The following ULK4 variants were observed in gnomAD, a reference collection of about 807,000 sequenced individuals.
ULK4 encodes unc-51 like kinase 4.
A neutral mutation model predicts 160.6 loss-of-function variants in ULK4; 133 were observed. That is an observed-to-expected ratio of 0.83 (90% CI 0.72 to 0.96). The LOEUF is 0.96. Ranked by LOEUF, ULK4 falls within the 40% of genes least tolerant of loss-of-function variation. The pLI, the probability that ULK4 is intolerant of heterozygous loss-of-function variation, is 0.00. For synonymous variants in ULK4, 534 were observed against 539.8 expected (o/e 0.99, Z 0.15); for missense variants, 1,580 against 1,499.5 (o/e 1.05, Z -0.89).
At chr3:41,831,517 T>TTATATATATATATATATA (rs201753249) in intron 18 of ULK4, among the ~76,000 whole-genome samples, 2 of 132,646 alleles carry the variant, frequency 1.5e-5, no homozygotes, top group African/African-American at 3.3e-5. Flanking sequence ...TATTGTTATT[T>TTATATATATATATATATA]TATATATATA....
Position 41,593,939 on chromosome 3 carries a change from G to C in ULK4, c.3120+21730C>G, listed in dbSNP as rs762864607. Among the ~76,000 whole-genome samples, 5 of 152,070 alleles carry C rather than the reference G, an allele frequency of 3.3e-5. 1 individual carries two copies. The highest frequency in any genetic ancestry group is 1.2e-4 in the African/African-American group (5 of 41,394). On this transcript the variant is annotated intron_variant, in intron 31 of 36. Coordinates refer to ENST00000301831, the MANE Select transcript of ULK4 (RefSeq NM_017886.4). The stretch of plus-strand genomic sequence containing the variant: ...TCCCAGCTACCGGGGTTGGGGGAAG[G>C]GGGGCTGAGGTGGGAAGATGGATTG...
At chr3:41,551,617 CAAT>C (rs1052002966) in intron 32 of ULK4, among the ~76,000 whole-genome samples, 9 of 151,854 alleles carry the variant, frequency 5.9e-5, no homozygotes, top group Non-Finnish European at 1.2e-4. Context: ...GAGATTGAAT[CAAT>C]AATAATAATA....
rs201424516 is a variant in ULK4, at chr3:41,961,550, ACCCCC to A, written c.-49+461_-49+465del. On this transcript the variant is annotated intron_variant, in intron 1 of 36. Transcript: ENST00000301831. Reference sequence around the variant, plus strand: ...ACTCAGGGGCGCTACGTAGTCACTCACCCCCCCCCCCCCCCCCCCCGCTCCCCAGG... The same window carrying A: ...ACTCAGGGGCGCTACGTAGTCACTCACCCCCCCCCCCCCCCGCTCCCCAGG... Among the ~76,000 whole-genome samples, 25 of 124,720 alleles carry A rather than the reference ACCCCC, an allele frequency of 2.0e-4. 1 individual carries two copies. The highest frequency in any genetic ancestry group is 9.8e-4 in the African/African-American group (23 of 23,492). The allele number at this position is 124,720 out of a possible 152,430, so 81.8% of individuals were successfully genotyped here.
intron 16 of ULK4, among the ~76,000 whole-genome samples, chr3:41,888,997 T>C (rs1697823805): frequency 6.6e-6 from 1 of 152,172 alleles, no homozygotes; most frequent in Admixed American, 6.5e-5. Flanking sequence ...CCAACTTCTA[T>C]ACCAATCAAT....
At chr3:41,335,244 C>G (rs2080530847) in intron 35 of ULK4, among the ~76,000 whole-genome samples, 1 of 152,178 alleles carries the variant, frequency 6.6e-6, no homozygotes, top group African/African-American at 2.4e-5. Flanking sequence ...AAATTAGGCA[C>G]TGAGCACAGG....
At chr3:41,432,739 AC>A (rs2082941665) in intron 34 of ULK4, among the ~76,000 whole-genome samples, 1 of 152,234 alleles carries the variant, frequency 6.6e-6, no homozygotes, top group Non-Finnish European at 1.5e-5. Context: ...TTCATAAGAT[AC>A]ACAGGTGCCA....
chr3:41,821,684 G>A (rs755542785), intron 18 of ULK4, among the ~76,000 whole-genome samples: 5 of 151,930 alleles, frequency 3.3e-5, no homozygotes, highest in Admixed American at 1.3e-4. Flanking sequence ...ATAGGGTCAC[G>A]GTATCTCATT....
intron 19 of ULK4, among the ~76,000 whole-genome samples, chr3:41,803,089 A>G (rs2040515697): frequency 6.6e-6 from 1 of 151,474 alleles, no homozygotes; most frequent in Non-Finnish European, 1.5e-5. Context: ...TGCTTGAACC[A>G]GGACCCAGGA....
chr3:41,519,244 G>C (rs2085848236), intron 32 of ULK4, among the ~76,000 whole-genome samples: 1 of 152,102 alleles, frequency 6.6e-6, no homozygotes, highest in Non-Finnish European at 1.5e-5. Flanking sequence ...CTGCCTTTTG[G>C]AGCTTGTCAC....
intron 17 of ULK4, among the ~76,000 whole-genome samples, chr3:41,879,510 A>T (rs1052505831): frequency 6.6e-5 from 10 of 151,876 alleles, no homozygotes; most frequent in Non-Finnish European, 1.2e-4. Context: ...AAAAAAAAAA[A>T]TTTGAGACAG....
At chr3:41,771,188 T>C (rs1382625248) in intron 21 of ULK4, among the ~76,000 whole-genome samples, 1 of 152,200 alleles carries the variant, frequency 6.6e-6, no homozygotes, top group Non-Finnish European at 1.5e-5. Context: ...AATTATAAAA[T>C]ACCACATAAT....
intron 17 of ULK4, among the ~76,000 whole-genome samples, chr3:41,858,909 G>A (rs1411397587): frequency 6.6e-6 from 1 of 152,100 alleles, no homozygotes; most frequent in East Asian, 1.9e-4. Context: ...TAATTCTGTT[G>A]AGACAGCTCT....
chr3:41,829,412 A>G (rs145796622), intron 18 of ULK4, among the ~76,000 whole-genome samples: 28,958 of 136,574 alleles, frequency 0.21, 4,761 homozygotes, highest in African/African-American at 0.43. Flanking sequence ...CAAAGGGCTA[A>G]TATCCAGAAT....
intron 4 of ULK4, among the ~76,000 whole-genome samples, chr3:41,932,535 G>C (rs550962358): frequency 4.6e-5 from 7 of 152,270 alleles, no homozygotes; most frequent in East Asian, 3.9e-4. Flanking sequence ...TAACTCTTCA[G>C]ACTGCTGTAA....
intron 32 of ULK4, among the ~76,000 whole-genome samples, chr3:41,484,645 G>A (rs1041903918): frequency 4.6e-5 from 7 of 151,866 alleles, no homozygotes; most frequent in Non-Finnish European, 7.4e-5. Flanking sequence ...GTAGAGACGG[G>A]GTTTCACCGT....
At chr3:41,567,437 T>G (rs2087819682) in intron 31 of ULK4, among the ~76,000 whole-genome samples, 1 of 141,068 alleles carries the variant, frequency 7.1e-6, no homozygotes, top group Non-Finnish European at 1.5e-5. Context: ...AGGTGTCACT[T>G]AACAGATTTT....
intron 4 of ULK4, among the ~76,000 whole-genome samples, chr3:41,935,197 ATTTATTTATTTATTTTT>A (rs1699726386): frequency 8.5e-4 from 2 of 2,362 alleles, no homozygotes; most frequent in African/African-American, 1.1e-3. Context: ...TTGTGTTTTT[ATTTATTTATTTATTTTT>A]TTTTTTTTTT....
chr3:41,874,225 G>A (rs955049795), intron 17 of ULK4, among the ~76,000 whole-genome samples: 1 of 152,056 alleles, frequency 6.6e-6, no homozygotes, highest in African/African-American at 2.4e-5. Flanking sequence ...AAGAGGAAGT[G>A]GTGCAATCGT....
At chr3:41,773,889 A>G (rs1265596327) in intron 21 of ULK4, among the ~76,000 whole-genome samples, 8 of 152,206 alleles carry the variant, frequency 5.3e-5, no homozygotes, top group Admixed American at 1.3e-4. Context: ...GACCAATGGA[A>G]CAGAACAGAG....
Sources: gnomAD v4.1 joint callset for allele counts (sites outside exome capture counted in the v4.1 genomes callset) on GRCh38, gnomAD v4.1.1 for gene constraint, MANE v1.5 for transcripts, NCBI Gene and HGNC (gene_info 2026-07-23, HGNC 2026-07-21) for gene names.